The following ABCC1 variants were observed in gnomAD, a reference collection of about 807,000 sequenced individuals.
ABCC1 encodes ATP binding cassette subfamily C member 1 (ABCC1 blood group), also known as multidrug resistance-associated protein 1.
In ABCC1, 83 loss-of-function variants were observed where a neutral mutation model predicts 172.9. The ratio of observed to expected loss-of-function variants is 0.48; its 90% confidence interval spans 0.40 to 0.58. The LOEUF (loss-of-function observed/expected upper bound fraction) is 0.58. Among genes scored for constraint, ABCC1 ranks in the 20% least tolerant of loss-of-function variants. The pLI is 0.00. For missense variants in ABCC1, 1,817 were observed against 2,002.7 expected, an observed-to-expected ratio of 0.91 and a Z score of 1.77; for synonymous variants, 937 against 825.2, an observed-to-expected ratio of 1.14 and a Z score of -2.32.
intron 1 of ABCC1, among the ~76,000 whole-genome samples, chr16:16,002,489 A>G (rs901535972): frequency 6.6e-6 from 1 of 152,174 alleles, no homozygotes; most frequent in Non-Finnish European, 1.5e-5. Flanking sequence ...ATAGTTTCCA[A>G]AGGCTGTGTG....
chr16:16,016,976 T>G (rs1203684761), intron 5 of ABCC1, among the ~76,000 whole-genome samples: 1 of 75,954 alleles, frequency 1.3e-5, no homozygotes, highest in East Asian at 2.3e-4. Context: ...TCTGACAGAT[T>G]AGGCCTATAA....
At chr16:16,035,553 C>T (rs1311205512) in intron 6 of ABCC1, among the ~76,000 whole-genome samples, 2 of 150,652 alleles carry the variant, frequency 1.3e-5, no homozygotes, top group African/African-American at 2.4e-5. Flanking sequence ...TGCAGTGACA[C>T]AATGACGGCT....
intron 1 of ABCC1, among the ~76,000 whole-genome samples, chr16:15,995,342 A>G (rs2047020092): frequency 6.6e-6 from 1 of 152,162 alleles, no homozygotes; most frequent in African/African-American, 2.4e-5. Flanking sequence ...CTATAGACAG[A>G]AGAAGGCGGC....
chr16:16,055,989 T>G lies in ABCC1; in HGVS notation c.1474-103T>G, dbSNP rs2049634186. The G allele has an allele frequency of 3.6e-5, 36 of 1,010,288 alleles. No individual in the cohort carries two copies. The South Asian group carries it at 5.5e-4, about 15-fold the overall frequency. The allele number at this position is 1,010,288 out of a possible 1,614,324, so 62.6% of individuals were successfully genotyped here. A position where few individuals can be genotyped will look rare whatever the true frequency, so the allele number is the denominator to read the frequency against. The stretch of plus-strand genomic sequence containing the variant: ...AATCAATATAAAAAACATTTACATG[T>G]CAAAGTATATAATAAAGTTTATGAG... On this transcript the variant is annotated intron_variant, in intron 11 of 30. Transcript: ENST00000399410.
intron 18 of ABCC1, among the ~76,000 whole-genome samples, chr16:16,089,283 T>C (rs2051140001): frequency 1.3e-5 from 2 of 152,202 alleles, no homozygotes; most frequent in African/African-American, 2.4e-5. Context: ...CGGTAGCGCA[T>C]GCCTGTAGTC....
intron 23 of ABCC1, 86 bp from the exon 24 acceptor site, chr16:16,121,889 T>C: frequency 6.8e-7 from 1 of 1,464,666 alleles, no homozygotes; most frequent in South Asian, 1.2e-5. Flanking sequence ...ATCGGTTACG[T>C]CTAGATGTTC....
At chr16:16,089,463 G>A (rs181294753) in intron 18 of ABCC1, among the ~76,000 whole-genome samples, 1 of 151,818 alleles carries the variant, frequency 6.6e-6, no homozygotes, top group African/African-American at 2.4e-5. Context: ...CAGGAGAATC[G>A]CTTGAACCCA....
At chr16:15,986,971 C>T (rs2046758788) in intron 1 of ABCC1, among the ~76,000 whole-genome samples, 3 of 152,072 alleles carry the variant, frequency 2.0e-5, no homozygotes, top group Non-Finnish European at 4.4e-5. Flanking sequence ...TTGAGACCAG[C>T]CTGGACAATG....
At chr16:16,137,410 T>C (rs2045956096) in intron 29 of ABCC1, among the ~76,000 whole-genome samples, 1 of 152,162 alleles carries the variant, frequency 6.6e-6, no homozygotes. Flanking sequence ...TGCAAGCCCC[T>C]ATTGCATCTA....
At chr16:16,015,616 G>T (rs2047966041) in intron 4 of ABCC1, among the ~76,000 whole-genome samples, 1 of 152,218 alleles carries the variant, frequency 6.6e-6, no homozygotes, top group Non-Finnish European at 1.5e-5. Context: ...CCTCGCAGGG[G>T]ACTGTGTATG....
At chr16:16,110,100 C>CT (rs1234544576) in intron 21 of ABCC1, among the ~76,000 whole-genome samples, 3 of 140,094 alleles carry the variant, frequency 2.1e-5, no homozygotes, top group Non-Finnish European at 4.6e-5. Context: ...GCTGGTTTAA[C>CT]TCCTTTTTTT....
intron 1 of ABCC1, among the ~76,000 whole-genome samples, chr16:15,989,837 C>T (rs1037923425): frequency 6.6e-6 from 1 of 152,098 alleles, no homozygotes; most frequent in African/African-American, 2.4e-5. Flanking sequence ...AACGCAGTGC[C>T]TGGTATGCAG....
At chr16:16,113,115 G>A (rs555422301) in intron 22 of ABCC1, among the ~76,000 whole-genome samples, 15 of 152,168 alleles carry the variant, frequency 9.9e-5, no homozygotes, top group Non-Finnish European at 1.9e-4. Context: ...TCTCCAGGAG[G>A]TGGCTTTGGG....
chr16:16,132,507 GTTGTTTTTTTTTT>G (rs2045733600), intron 27 of ABCC1, among the ~76,000 whole-genome samples: 1 of 75,066 alleles, frequency 1.3e-5, no homozygotes, highest in African/African-American at 5.5e-5. Context: ...TTTTTGGTTG[GTTGTTTTTTTTTT>G]TTTTTTTTTT....
chr16:15,959,626 G>GA (rs2046084833), intron 1 of ABCC1, among the ~76,000 whole-genome samples: 1 of 152,022 alleles, frequency 6.6e-6, no homozygotes, highest in African/African-American at 2.4e-5. Flanking sequence ...ATGCCCAGCC[G>GA]AAAATGGCTT....
intron 1 of ABCC1, among the ~76,000 whole-genome samples, chr16:15,958,615 C>T (rs895742760): frequency 6.6e-6 from 1 of 152,198 alleles, no homozygotes; most frequent in Non-Finnish European, 1.5e-5. Context: ...GTGGTCAGTA[C>T]AACTCTAGCT....
intron 20 of ABCC1, among the ~76,000 whole-genome samples, chr16:16,103,460 G>C (rs977344430): frequency 1.3e-5 from 2 of 151,718 alleles, no homozygotes; most frequent in African/African-American, 4.8e-5. Flanking sequence ...GGCGCCTGTA[G>C]TCCCAGCTAC....
At chr16:16,014,680 A>G in intron 4 of ABCC1, 52 bp downstream of exon 4, 1 of 1,602,224 alleles carries the variant, frequency 6.2e-7, no homozygotes, top group Middle Eastern at 2.2e-4. Context: ...GGAGGGAGAG[A>G]TGCTGGGTCC....
chr16:16,044,649 C>T lies in ABCC1; in HGVS notation c.1009C>T (p.Leu337=), dbSNP rs1032136427. ...MSFFFKAIHD[L]MMFSGPQILK... The stretch of plus-strand genomic sequence containing the variant: ...CTTCTTCTTCAAGGCCATCCACGAC[C>T]TGATGATGTTTTCCGGGCCGCAGAT... Residue 337 remains leucine, a synonymous_variant, in exon 8 of 31, where the codon CTG becomes TTG. Coordinates refer to ENST00000399410, the MANE Select transcript of ABCC1 (RefSeq NM_004996.4). The T allele has an allele frequency of 4.3e-6, 7 of 1,614,010 alleles. No individual in the cohort carries two copies. Among genetic ancestry groups the T allele is most frequent in the South Asian group, 3.3e-5 (3 of 91,084 alleles).
Sources: gnomAD v4.1 joint callset for allele counts (sites outside exome capture counted in the v4.1 genomes callset) on GRCh38, gnomAD v4.1.1 for gene constraint, MANE v1.5 for transcripts, NCBI Gene and HGNC (gene_info 2026-07-23, HGNC 2026-07-21) for gene names.